The following NRBP2 variants were observed in gnomAD, a reference collection of about 807,000 sequenced individuals.
The protein encoded by NRBP2 is nuclear receptor binding protein 2, also known as nuclear receptor-binding protein 2.
NRBP2 carries 47 observed loss-of-function variants against 74.4 expected under a neutral mutation model. That is an observed-to-expected ratio of 0.63 (90% CI 0.50 to 0.81). The LOEUF (loss-of-function observed/expected upper bound fraction) is 0.81, where lower values mean the gene tolerates loss of function less well. Among genes scored for constraint, NRBP2 ranks in the 30% least tolerant of loss-of-function variants. The pLI, the probability that NRBP2 is intolerant of heterozygous loss-of-function variation, is 0.00. For missense variants in NRBP2, 613 were observed against 690.1 expected, an observed-to-expected ratio of 0.89 and a Z score of 1.25; for synonymous variants, 312 against 273.8, an observed-to-expected ratio of 1.14 and a Z score of -1.38.
downstream of NRBP2, among the ~76,000 whole-genome samples, chr8:143,831,136 C>T (rs571930190): frequency 1.4e-4 from 21 of 152,326 alleles, no homozygotes; most frequent in Admixed American, 4.6e-4. Flanking sequence ...ATAATGTGCA[C>T]GCAGGATGCA....
In NRBP2 at chr8:143,837,373, G is replaced by A. The variant is rs782788134; in HGVS notation, c.1076+34C>T. On this transcript the variant is annotated intron_variant, in intron 12 of 17. Transcript: ENST00000442628. This position sits in a 1 kb window ranked among gnomAD's most constrained non-coding sequence, Gnocchi z 4.3. ...GGGGAGGTGCGGGGAGGGGAGGTGT[G>A]GGGAGGGGAGGCTTCTGGGTGCTGA... is the stretch of plus-strand genomic sequence containing the variant. The A allele has an allele frequency of 1.3e-6, 2 of 1,545,956 alleles. No individual in the cohort carries two copies. Among genetic ancestry groups the A allele is most frequent in the Admixed American group, 1.9e-5 (1 of 53,916 alleles).
chr8:143,832,036 AAGT>A (rs1336465719), downstream of NRBP2, among the ~76,000 whole-genome samples: 3 of 152,256 alleles, frequency 2.0e-5, no homozygotes, highest in Admixed American at 6.5e-5. Context: ...TCTGTGTAGA[AAGT>A]AGTAGACATA....
Position 143,835,673 on chromosome 8 carries a change from T to C in NRBP2, c.1495A>G (p.Thr499Ala), listed in dbSNP as rs1554651325. The part of the protein sequence containing the change: ...LESTFLKYRG[T>A]QA ...GCTGGGGCTCCGGGTCAGGCCTGGG[T>C]CCCACGGTACTTGAGGAAGGTGCTC... Residue 499 changes from threonine to alanine, a missense_variant, in exon 18 of 18, where the codon ACC becomes GCC. Thr to Ala is a moderately conservative substitution (Grantham distance 58). This residue lies in a region of NRBP2 where 281 missense variants were observed against 260.9 expected (regional missense o/e 1.08). Coordinates refer to ENST00000442628, the MANE Select transcript of NRBP2 (RefSeq NM_178564.4). The surrounding 1 kb of genome is among the most constrained non-coding windows in gnomAD (Gnocchi z 4.9). The C allele has an allele frequency of 6.3e-7, 1 of 1,594,070 alleles. No homozygotes were observed. The highest frequency in any genetic ancestry group is 1.8e-5 in the Admixed American group (1 of 55,872).
chr8:143,830,458 C>T (rs781974437), downstream of NRBP2, among the ~76,000 whole-genome samples: 1 of 152,264 alleles, frequency 6.6e-6, no homozygotes, highest in Non-Finnish European at 1.5e-5. Flanking sequence ...TGTCTGAAAG[C>T]CTGGGAGTAA....
chr8:143,836,099 C>A, intron 15 of NRBP2, 28 bp downstream of exon 15: 2 of 1,596,256 alleles, frequency 1.3e-6, no homozygotes, highest in Non-Finnish European at 1.7e-6. Flanking sequence ...TTCCCCACGG[C>A]AGCGCCGCCC....
downstream of NRBP2, among the ~76,000 whole-genome samples, chr8:143,831,299 C>G (rs911291697): frequency 6.6e-6 from 1 of 152,244 alleles, no homozygotes; most frequent in African/African-American, 2.4e-5. Flanking sequence ...TGTGTTCTTG[C>G]CACCACCATG....
Position 143,836,157 on chromosome 8 carries a change from C to T in NRBP2, c.1287G>A (p.Leu429=). 6.3e-7 allele frequency: 1 copy of T among 1,587,964 alleles called. No individual in the cohort carries two copies. Among genetic ancestry groups the T allele is most frequent in the Non-Finnish European group, 8.5e-7 (1 of 1,171,268 alleles). ...AGCGCGCCTTGTCCTCGCTTCTCTC[C>T]AGGTTGCACTGCATCTGGATGACCT... is the stretch of plus-strand genomic sequence containing the variant. ...TRKVIQMQCN[L]ERSEDKARWH... is the part of the protein sequence containing the mutation. The change falls in exon 15 of 18, where the codon CTG becomes CTA. Residue 429 remains leucine (L), a synonymous_variant. Transcript: ENST00000442628.
At position 143,840,022 on chromosome 8, in the gene NRBP2, G is replaced by A. The variant is rs1818624697; in HGVS notation, c.261C>T (p.Ile87=). The change falls in exon 3 of 18, where the codon ATC becomes ATT. Residue 87 remains isoleucine (I), a synonymous_variant. Transcript: ENST00000442628. This position sits in a 1 kb window ranked among gnomAD's most constrained non-coding sequence, Gnocchi z 5.7. ...RKAFAAHEEK[I]QTVFEQLVLV... ...GCACCAGCTGCTCGAACACGGTCTG[G>A]ATCTTCTCCTGGGGAGGGAGGGTGG... The A allele has an allele frequency of 6.5e-7, 1 of 1,536,080 alleles. No individual in the cohort carries two copies. The highest frequency in any genetic ancestry group is 1.2e-5 in the South Asian group (1 of 84,072).
At chr8:143,832,323 G>A (rs1289217478), downstream of NRBP2, among the ~76,000 whole-genome samples, 1 of 151,994 alleles carries the variant, frequency 6.6e-6, no homozygotes, top group East Asian at 1.9e-4. Context: ...GCCAGGTATT[G>A]TCCAAGGTTT....
intron 15 of NRBP2, 47 bp from the exon 16 acceptor site, chr8:143,836,077 C>G: frequency 6.3e-7 from 1 of 1,582,372 alleles, no homozygotes. Flanking sequence ...AGGGCTCCGC[C>G]ACGCTCCCGC....
chr8:143,832,399 G>A (rs1282180896), downstream of NRBP2, among the ~76,000 whole-genome samples: 11 of 152,040 alleles, frequency 7.2e-5, no homozygotes, highest in Admixed American at 1.3e-4. Flanking sequence ...CCCCCAGCCC[G>A]ACACCCGTAA....
rs781900982 is a variant in NRBP2, at chr8:143,840,040, G to A, written c.253-10C>T. 46 of 1,536,176 alleles carry A rather than the reference G, an allele frequency of 3.0e-5. No individual in the cohort carries two copies. The East Asian group carries it at 1.1e-3, about 38-fold the overall frequency. ...CGGTCTGGATCTTCTCCTGGGGAGGGAGGGTGGTCGCTGGGTGGTCAGCAG... is the reference window on the plus strand; with the variant it reads ...CGGTCTGGATCTTCTCCTGGGGAGGAAGGGTGGTCGCTGGGTGGTCAGCAG... On this transcript the variant is annotated splice_polypyrimidine_tract_variant and intron_variant, in intron 2 of 17. Coordinates refer to ENST00000442628, the MANE Select transcript of NRBP2 (RefSeq NM_178564.4). This position sits in a 1 kb window ranked among gnomAD's most constrained non-coding sequence, Gnocchi z 5.7.
chr8:143,839,471 C>G lies in NRBP2; in HGVS notation c.485+38G>C, dbSNP rs1248367088. The G allele has an allele frequency of 2.2e-5, 33 of 1,531,698 alleles. No individual in the cohort carries two copies. Among genetic ancestry groups the G allele is most frequent in the Non-Finnish European group, 2.9e-5 (33 of 1,144,412 alleles). The allele number at this position is 1,531,698 out of a possible 1,614,324, so 94.9% of individuals were successfully genotyped here. On this transcript the variant is annotated intron_variant, in intron 5 of 17. Transcript: ENST00000442628. This position sits in a 1 kb window ranked among gnomAD's most constrained non-coding sequence, Gnocchi z 5.1. Reference sequence around the variant, plus strand: ...TCAGGAGGCTCTGGAGAGATGGGGGCTCGGTGGCGCCGCGCCCAGGCCAGC... The same window carrying G: ...TCAGGAGGCTCTGGAGAGATGGGGGGTCGGTGGCGCCGCGCCCAGGCCAGC...
At chr8:143,838,653 T>A in intron 10 of NRBP2, 27 bp downstream of exon 10, 1 of 1,564,178 alleles carries the variant, frequency 6.4e-7, no homozygotes, top group Non-Finnish European at 8.7e-7. Context: ...GTGAGCCAGC[T>A]GGGGAGGGGC....
downstream of NRBP2, among the ~76,000 whole-genome samples, chr8:143,832,132 GCT>G (rs1234158181): frequency 1.6e-4 from 25 of 152,264 alleles, no homozygotes; most frequent in African/African-American, 6.0e-4. Context: ...CCAACCCCGT[GCT>G]CTCTGAAACA....
Position 143,837,958 on chromosome 8 carries a change from G to A in NRBP2, c.841-203C>T, listed in dbSNP as rs1027875826. 3.6e-5 allele frequency: 26 copies of A among 724,340 alleles called. No homozygotes were observed. The highest frequency in any genetic ancestry group is 6.2e-5 in the Non-Finnish European group (25 of 405,800). The allele number at this position is 724,340 out of a possible 1,614,324, so 44.9% of individuals were successfully genotyped here. The stretch of plus-strand genomic sequence containing the variant: ...GAGCTTGAGGACAGCTGGGTTCTGG[G>A]ATTGGAGCACCATGCTCTGCTTCCC... On this transcript the variant is annotated intron_variant, in intron 10 of 17. Coordinates refer to ENST00000442628, the MANE Select transcript of NRBP2 (RefSeq NM_178564.4). This position sits in a 1 kb window ranked among gnomAD's most constrained non-coding sequence, Gnocchi z 4.3.
intron 14 of NRBP2, 114 bp downstream of exon 14, chr8:143,836,925 C>T: frequency 8.0e-7 from 1 of 1,248,982 alleles, no homozygotes; most frequent in South Asian, 1.4e-5. Flanking sequence ...TCTCTGGCAG[C>T]CAGGAGGAGA....
Position 143,840,967 on chromosome 8 carries a change from T to C in NRBP2, c.-133A>G. 4 of 1,117,270 alleles carry C rather than the reference T, an allele frequency of 3.6e-6. No homozygotes were observed. The highest frequency in any genetic ancestry group is 4.4e-6 in the Non-Finnish European group (4 of 915,534). The allele number at this position is 1,117,270 out of a possible 1,614,324, so 69.2% of individuals were successfully genotyped here. Reference sequence around the variant, plus strand: ...CAGCCTAGAGCCCCAGCCCCGGCTCTGGGAATTGGGAGGCGCGGGCGCGCG... The same window carrying C: ...CAGCCTAGAGCCCCAGCCCCGGCTCCGGGAATTGGGAGGCGCGGGCGCGCG... On this transcript the variant is annotated 5_prime_UTR_variant, in exon 1 of 18. Coordinates refer to ENST00000442628, the MANE Select transcript of NRBP2 (RefSeq NM_178564.4). The surrounding 1 kb of genome is among the most constrained non-coding windows in gnomAD (Gnocchi z 5.7).
Position 143,840,117 on chromosome 8 carries a change from G to A in NRBP2, c.242C>T (p.Ala81Val), listed in dbSNP as rs1411471192. ...GGGCAGCGGTCTCACCTCGTGCGCC[G>A]CGAAGGCCTTCCTGTCTCCGAAGTG... ...ELHFGDRKAF[A>V]AHEEKIQTVF... Residue 81 changes from alanine to valine, a missense_variant, in exon 2 of 18, where the codon GCG becomes GTG. By Grantham distance (64) the Ala-to-Val change is moderately conservative. This residue lies in a region of NRBP2 where 332 missense variants were observed against 429.2 expected (regional missense o/e 0.77). Transcript: ENST00000442628. The surrounding 1 kb of genome is among the most constrained non-coding windows in gnomAD (Gnocchi z 5.7). 1.0e-5 allele frequency: 16 copies of A among 1,536,120 alleles called. No individual in the cohort carries two copies. The South Asian group carries it at 1.7e-4, about 16-fold the overall frequency.
Sources: allele counts gnomAD v4.1 joint callset (sites outside exome capture counted in the v4.1 genomes callset), GRCh38; gene constraint gnomAD v4.1.1; regional missense constraint gnomAD v4.1.1; non-coding constraint Gnocchi (gnomAD v3.1); transcripts MANE v1.5; gene names NCBI Gene and HGNC (gene_info 2026-07-23, HGNC 2026-07-21).